The following DCAF6 variants were observed in gnomAD, a reference collection of about 807,000 sequenced individuals.
DCAF6 encodes the protein DDB1- and CUL4-associated factor 6.
A neutral mutation model predicts 125.1 loss-of-function variants in DCAF6; 54 were observed. That is an observed-to-expected ratio of 0.43 (90% CI 0.35 to 0.54). The LOEUF (loss-of-function observed/expected upper bound fraction) is 0.54, where lower values mean the gene tolerates loss of function less well. Ranked by LOEUF, DCAF6 falls within the 20% of genes least tolerant of loss-of-function variation. The pLI is 0.01. For synonymous variants in DCAF6, 371 were observed against 390.4 expected (o/e 0.95, Z 0.58); for missense variants, 934 against 1,161.7 (o/e 0.80, Z 2.85).
chr1:167,929,081 G>A, the DCAF6 span, among the ~76,000 whole-genome samples: 2 of 152,190 alleles, frequency 1.3e-5, no homozygotes, highest in Admixed American at 6.5e-5. Context: ...CATTTAGGCC[G>A]GGCGTGGTGG....
At chr1:167,976,886 G>GTTTTTTTTTTTTTT (rs397981860) in intron 4 of DCAF6, among the ~76,000 whole-genome samples, 4 of 38,062 alleles carry the variant, frequency 1.1e-4, no homozygotes, top group Admixed American at 4.6e-4. Context: ...TCCTTTAGCA[G>GTTTTTTTTTTTTTT]TTTTTTTTTT....
chr1:167,900,455 C>T, the DCAF6 span, among the ~76,000 whole-genome samples: 1 of 152,190 alleles, frequency 6.6e-6, no homozygotes, highest in Admixed American at 6.5e-5. Context: ...ACACATCAGA[C>T]TCCTTGGGTA....
intron 5 of DCAF6, among the ~76,000 whole-genome samples, chr1:167,990,059 G>C (rs1018054614): frequency 5.3e-5 from 8 of 152,052 alleles, no homozygotes; most frequent in Non-Finnish European, 1.2e-4. Flanking sequence ...CTTTATTTTT[G>C]AGCTGGTTAA....
chr1:168,049,009 T>C (rs930570352), intron 16 of DCAF6, among the ~76,000 whole-genome samples: 2 of 152,164 alleles, frequency 1.3e-5, no homozygotes, highest in Non-Finnish European at 2.9e-5. Context: ...TGAAATAATA[T>C]GAATCTCCAC....
In DCAF6 at chr1:168,043,077, G is replaced by A; in HGVS notation, c.1780G>A (p.Gly594Ser). The A allele has an allele frequency of 6.2e-7, 1 of 1,612,726 alleles. No individual in the cohort carries two copies. Among genetic ancestry groups the A allele is most frequent in the Non-Finnish European group, 8.5e-7 (1 of 1,179,320 alleles). ...AATTGGGAGCCATTGCAAATCTGAG[G>A]GTCAGGAGGAATCTTTCGTCCCACA... Reference protein sequence around the residue: ...RGIGSHCKSEGQEESFVPQSS... With the variant: ...RGIGSHCKSESQEESFVPQSS... The change falls in exon 14 of 22, where the codon GGT becomes AGT. Residue 594 changes from glycine to serine, a missense_variant. This residue lies in a region of DCAF6 where 559 missense variants were observed against 635.5 expected (regional missense o/e 0.88). Transcript: ENST00000367840.
At chr1:167,993,189 A>G (rs1451253907) in intron 6 of DCAF6, 37 bp from the exon 7 acceptor site, 2 of 1,536,044 alleles carry the variant, frequency 1.3e-6, no homozygotes, top group East Asian at 4.7e-5. Flanking sequence ...TCTTTAAAAC[A>G]TTATTAATTT....
chr1:167,905,092 C>A, the DCAF6 span: 1 of 1,614,212 alleles, frequency 6.2e-7, no homozygotes, highest in South Asian at 1.1e-5. Flanking sequence ...AAATGAGCTG[C>A]TATTCTGACT....
At chr1:167,951,189 A>G (rs919800620) in intron 1 of DCAF6, among the ~76,000 whole-genome samples, 3 of 152,224 alleles carry the variant, frequency 2.0e-5, no homozygotes, top group Non-Finnish European at 4.4e-5. Flanking sequence ...ACACAGAGTG[A>G]GTACTCAATA....
chr1:167,925,472 T>TATAC, the DCAF6 span, among the ~76,000 whole-genome samples: 4 of 102,046 alleles, frequency 3.9e-5, no homozygotes, highest in South Asian at 5.6e-4. Flanking sequence ...TATATATATA[T>TATAC]ATACATATAC....
the DCAF6 span, among the ~76,000 whole-genome samples, chr1:167,867,822 C>G: frequency 6.6e-6 from 1 of 151,748 alleles, no homozygotes; most frequent in Non-Finnish European, 1.5e-5. Context: ...ATATCTGCCA[C>G]GAATTAAGCT....
chr1:168,008,935 C>T (rs1683774915), intron 10 of DCAF6, among the ~76,000 whole-genome samples: 2 of 141,802 alleles, frequency 1.4e-5, no homozygotes, highest in African/African-American at 5.2e-5. Flanking sequence ...TGCTTTCTCT[C>T]TCTCTCTTTC....
intron 4 of DCAF6, among the ~76,000 whole-genome samples, chr1:167,976,518 A>G (rs1367780894): frequency 6.6e-6 from 1 of 152,142 alleles, no homozygotes; most frequent in Non-Finnish European, 1.5e-5. Context: ...TTACTTGAGT[A>G]TTTTACTTTT....
At chr1:167,923,347 A>T in the DCAF6 span, among the ~76,000 whole-genome samples, 1 of 152,210 alleles carries the variant, frequency 6.6e-6, no homozygotes, top group Admixed American at 6.5e-5. Context: ...AATACATACA[A>T]TGGAATGCTA....
At chr1:167,957,499 G>A (rs928451914) in intron 2 of DCAF6, among the ~76,000 whole-genome samples, 2 of 151,954 alleles carry the variant, frequency 1.3e-5, no homozygotes, top group African/African-American at 4.8e-5. Context: ...ATATTTCATT[G>A]TACAGATATA....
At chr1:167,936,104 T>G (rs2102572498), upstream of DCAF6, 1 of 535,432 alleles carries the variant, frequency 1.9e-6, no homozygotes, top group Non-Finnish European at 3.4e-6. Context: ...GGAGGAGCCA[T>G]GGCAACAGGT....
the DCAF6 span, among the ~76,000 whole-genome samples, chr1:167,928,280 G>A: frequency 2.0e-5 from 3 of 150,948 alleles, no homozygotes; most frequent in African/African-American, 7.3e-5. Context: ...GCCGGGAGGT[G>A]GAGCTTGCAG....
intron 10 of DCAF6, among the ~76,000 whole-genome samples, chr1:168,015,241 A>C (rs1465522399): frequency 2.6e-5 from 4 of 152,234 alleles, no homozygotes; most frequent in Non-Finnish European, 5.9e-5. Context: ...GAACTTAAAA[A>C]ATTTTTTAAA....
chr1:167,958,705 T>C (rs563197576), intron 2 of DCAF6, among the ~76,000 whole-genome samples: 58 of 152,336 alleles, frequency 3.8e-4, no homozygotes, highest in African/African-American at 1.2e-3. Context: ...ACAGTCAATA[T>C]TTAACGCTTT....
chr1:167,920,667 C>T, the DCAF6 span: 16 of 1,583,550 alleles, frequency 1.0e-5, no homozygotes, highest in East Asian at 9.1e-5. Context: ...AAAAGTATCA[C>T]AAATGTGGAG....
Sources: gnomAD v4.1 joint callset for allele counts (sites outside exome capture counted in the v4.1 genomes callset) on GRCh38, gnomAD v4.1.1 for gene constraint, gnomAD v4.1.1 regional missense constraint, MANE v1.5 for transcripts, NCBI Gene and HGNC (gene_info 2026-07-23, HGNC 2026-07-21) for gene names.